BMP2K: variants seen among roughly 807,000 people sequenced by gnomAD.
The protein encoded by BMP2K is BMP2 inducible kinase, also known as BMP-2-inducible protein kinase.
A neutral mutation model predicts 116.0 loss-of-function variants in BMP2K; 74 were observed. The observed-to-expected ratio is 0.64, with a 90% CI of 0.53 to 0.77. The LOEUF is 0.77. Among genes scored for constraint, BMP2K ranks in the 30% least tolerant of loss-of-function variants. BMP2K has a pLI of 0.00. For missense variants in BMP2K, 1,365 were observed against 1,403.6 expected, an observed-to-expected ratio of 0.97 and a Z score of 0.44; for synonymous variants, 486 against 502.5, an observed-to-expected ratio of 0.97 and a Z score of 0.44.
intron 7 of BMP2K, among the ~76,000 whole-genome samples, chr4:78,851,461 C>T (rs1351689979): frequency 1.3e-5 from 2 of 151,956 alleles, no homozygotes; most frequent in Admixed American, 6.6e-5. Context: ...ATTTGAGGAG[C>T]GGGGAGGACC....
At chr4:78,856,770 T>C (rs747390642) in intron 7 of BMP2K, among the ~76,000 whole-genome samples, 3 of 152,128 alleles carry the variant, frequency 2.0e-5, no homozygotes, top group Non-Finnish European at 2.9e-5. Flanking sequence ...AACCCTCAAA[T>C]TTATTAACAT....
Position 78,782,675 on chromosome 4 carries a change from G to C in BMP2K, c.178+5954G>C, listed in dbSNP as rs1208250083. On this transcript the variant is annotated intron_variant, in intron 1 of 15. Coordinates refer to ENST00000502613, the MANE Select transcript of BMP2K (RefSeq NM_198892.2). ...AAAAAAATAACCCAGATGCCCCCTTGTAGTTATCTTGCTTTATTGACATTG... is the reference window on the plus strand; with the variant it reads ...AAAAAAATAACCCAGATGCCCCCTTCTAGTTATCTTGCTTTATTGACATTG... 5.9e-5 allele frequency among the ~76,000 whole-genome samples: 9 copies of C among 152,166 alleles called. 1 individual carries two copies. The highest frequency in any genetic ancestry group is 8.8e-5 in the Non-Finnish European group (6 of 68,022).
intron 15 of BMP2K, among the ~76,000 whole-genome samples, chr4:78,890,369 TAC>T (rs1270243800): frequency 3.3e-5 from 5 of 151,224 alleles, no homozygotes; most frequent in South Asian, 2.1e-4. Context: ...TTAGATATTT[TAC>T]AGTTTGTCCG....
intron 1 of BMP2K, among the ~76,000 whole-genome samples, chr4:78,814,487 G>A (rs1729235728): frequency 6.6e-6 from 1 of 152,124 alleles, no homozygotes; most frequent in Admixed American, 6.5e-5. Flanking sequence ...TTTAATCATG[G>A]GGGCAGTTTC....
In BMP2K at chr4:78,890,173, G is replaced by GA. The variant is rs981087437; in HGVS notation, c.2062+2900dup. 9.1e-3 allele frequency among the ~76,000 whole-genome samples: 1,323 copies of GA among 146,086 alleles called. 10 individuals are homozygous for GA. Among genetic ancestry groups the GA allele is most frequent in the Non-Finnish European group, 0.015 (978 of 66,066 alleles). ...GTCAGATTTAACAAGATTTGAAATG[G>GA]AAAAAAAAAAATCACTTCCTTTCCT... On this transcript the variant is annotated intron_variant, in intron 15 of 15. Coordinates refer to ENST00000502613, the MANE Select transcript of BMP2K (RefSeq NM_198892.2).
chr4:78,899,549 T>A (rs1306621299), intron 15 of BMP2K, among the ~76,000 whole-genome samples: 2 of 151,742 alleles, frequency 1.3e-5, no homozygotes, highest in East Asian at 3.9e-4. Flanking sequence ...AAGAAGAAAA[T>A]TCAGGTTAAT....
chr4:78,909,358 CA>C (rs1363652670), intron 15 of BMP2K, among the ~76,000 whole-genome samples: 1 of 69,462 alleles, frequency 1.4e-5, no homozygotes, highest in African/African-American at 4.8e-5. Context: ...TTCTATAGAG[CA>C]GTCATTTTTT....
At chr4:78,853,138 A>G (rs1020424032) in intron 7 of BMP2K, among the ~76,000 whole-genome samples, 3 of 152,206 alleles carry the variant, frequency 2.0e-5, no homozygotes, top group Admixed American at 6.6e-5. Context: ...AAAATAAAGC[A>G]TAAGAAGATA....
Position 78,915,909 on chromosome 4 carries a change from G to A in BMP2K, c.*3876G>A, listed in dbSNP as rs770855450. 7 of 151,866 alleles carry A rather than the reference G, an allele frequency of 4.6e-5. No individual in the cohort carries two copies. The highest frequency in any genetic ancestry group is 1.0e-4 in the Non-Finnish European group (7 of 67,852). 9.4% of individuals were successfully genotyped at this position (151,866 alleles called of 1,614,324 possible). ...GTCATCTAATAGAAGCTGTATAGAA[G>A]CTACTTTTTAATTGCTGGCAAACAG... On this transcript the variant is annotated 3_prime_UTR_variant, in exon 16 of 16. Transcript: ENST00000502613.
chr4:78,805,391 G>C (rs1728767887), intron 1 of BMP2K, among the ~76,000 whole-genome samples: 1 of 151,962 alleles, frequency 6.6e-6, no homozygotes. Context: ...GGCTGTTTTG[G>C]GTCCTTTGAA....
At chr4:78,841,349 A>G (rs1038621815) in intron 3 of BMP2K, among the ~76,000 whole-genome samples, 1 of 152,174 alleles carries the variant, frequency 6.6e-6, no homozygotes, top group Admixed American at 6.6e-5. Context: ...TGCGAATCAC[A>G]TATTTACTTG....
chr4:78,791,354 C>T (rs1727987178), intron 1 of BMP2K, among the ~76,000 whole-genome samples: 1 of 152,186 alleles, frequency 6.6e-6, no homozygotes, highest in Non-Finnish European at 1.5e-5. Flanking sequence ...TATTGGCATT[C>T]ACACTGCAAG....
At chr4:78,847,871 G>A (rs1047902486) in intron 6 of BMP2K, among the ~76,000 whole-genome samples, 4 of 151,550 alleles carry the variant, frequency 2.6e-5, no homozygotes, top group Non-Finnish European at 5.9e-5. Flanking sequence ...TAATAAAGTA[G>A]GAAGAGAGTA....
chr4:78,797,596 A>T (rs1487629427), intron 1 of BMP2K, among the ~76,000 whole-genome samples: 1 of 152,208 alleles, frequency 6.6e-6, no homozygotes, highest in East Asian at 1.9e-4. Flanking sequence ...AGGGATTGGC[A>T]TATTGAAAGT....
intron 15 of BMP2K, among the ~76,000 whole-genome samples, chr4:78,899,715 G>T (rs924113393): frequency 6.6e-6 from 1 of 152,062 alleles, no homozygotes; most frequent in Non-Finnish European, 1.5e-5. Flanking sequence ...AGGGTTACAG[G>T]GTTAGGGTGA....
In BMP2K at chr4:78,865,738, A is replaced by G. The variant is rs757970854; in HGVS notation, c.1231+18A>G. 12 of 1,612,320 alleles carry G rather than the reference A, an allele frequency of 7.4e-6. No individual in the cohort carries two copies. The highest frequency in any genetic ancestry group is 6.7e-5 in the Admixed American group (4 of 59,964). On this transcript the variant is annotated intron_variant, in intron 10 of 15. Coordinates refer to ENST00000502613, the MANE Select transcript of BMP2K (RefSeq NM_198892.2). Reference sequence around the variant, plus strand: ...ACCAAAAGGTAATAGAGCCCCGCCAACCTCATCCTCTTAAAGGTTAATGTT... The same window carrying G: ...ACCAAAAGGTAATAGAGCCCCGCCAGCCTCATCCTCTTAAAGGTTAATGTT...
At chr4:78,777,477 A>G (rs1298915489) in intron 1 of BMP2K, among the ~76,000 whole-genome samples, 1 of 152,198 alleles carries the variant, frequency 6.6e-6, no homozygotes, top group Non-Finnish European at 1.5e-5. Context: ...GTAGAAGTCT[A>G]CTTACAAAAA....
In BMP2K at chr4:78,911,362, C is replaced by T. The variant is rs1017952122; in HGVS notation, c.2815C>T (p.Pro939Ser). Reference protein sequence around the residue: ...VDVFGSTPFQPFLTSTSKSES... With the variant: ...VDVFGSTPFQSFLTSTSKSES... ...TGTATTTGGCTCCACTCCATTTCAG[C>T]CCTTCCTCACATCAACAAGTAAAAG... The change falls in exon 16 of 16, where the codon CCC becomes TCC. Residue 939 changes from proline (P) to serine (S), a missense_variant. This residue lies in a region of BMP2K where 596 missense variants were observed against 623.2 expected (regional missense o/e 0.96). Coordinates refer to ENST00000502613, the MANE Select transcript of BMP2K (RefSeq NM_198892.2). 4.3e-6 allele frequency: 7 copies of T among 1,613,588 alleles called. No individual in the cohort carries two copies. The highest frequency in any genetic ancestry group is 2.7e-5 in the African/African-American group (2 of 74,836).
intron 1 of BMP2K, among the ~76,000 whole-genome samples, chr4:78,819,389 G>T (rs1235487834): frequency 6.6e-6 from 1 of 152,132 alleles, no homozygotes; most frequent in Non-Finnish European, 1.5e-5. Flanking sequence ...ACTACTAATT[G>T]TATTAGTAGT....
Sources: gnomAD v4.1 joint callset for allele counts (sites outside exome capture counted in the v4.1 genomes callset) on GRCh38, gnomAD v4.1.1 for gene constraint, gnomAD v4.1.1 regional missense constraint, MANE v1.5 for transcripts, NCBI Gene and HGNC (gene_info 2026-07-23, HGNC 2026-07-21) for gene names.